AKAP6: variants seen among roughly 807,000 people sequenced by gnomAD.
AKAP6 encodes A-kinase anchor protein 6.
A neutral mutation model predicts 188.5 loss-of-function variants in AKAP6; 58 were observed. The ratio of observed to expected loss-of-function variants is 0.31; its 90% CI spans 0.25 to 0.38. The LOEUF is 0.38. Ranked by LOEUF, AKAP6 falls within the 10% of genes least tolerant of loss-of-function variation. The probability of loss-of-function intolerance (pLI) is 1.00; values close to 1 mark genes in which losing one functional copy is unlikely to be tolerated. For synonymous variants in AKAP6, 989 were observed against 998.6 expected (o/e 0.99, Z 0.18); for missense variants, 2,710 against 2,740.0 (o/e 0.99, Z 0.24).
chr14:32,650,360 C>A (rs984054021), intron 7 of AKAP6, among the ~76,000 whole-genome samples: 2 of 152,134 alleles, frequency 1.3e-5, no homozygotes, highest in African/African-American at 2.4e-5. Context: ...CACCTGTAAT[C>A]CCAGCATTTT....
At chr14:32,382,484 C>A (rs1032095115) in intron 1 of AKAP6, among the ~76,000 whole-genome samples, 1 of 152,168 alleles carries the variant, frequency 6.6e-6, no homozygotes, top group Non-Finnish European at 1.5e-5. Context: ...ATTAAGTGAG[C>A]TACTTCATGA....
intron 1 of AKAP6, among the ~76,000 whole-genome samples, chr14:32,398,165 A>G (rs941735682): frequency 2.6e-5 from 4 of 152,212 alleles, no homozygotes; most frequent in African/African-American, 9.6e-5. Context: ...TAAATGAGAA[A>G]CATAATTGGT....
chr14:32,665,918 G>A (rs1403808236), intron 7 of AKAP6, among the ~76,000 whole-genome samples: 1 of 152,156 alleles, frequency 6.6e-6, no homozygotes, highest in African/African-American at 2.4e-5. Flanking sequence ...GATAGGTGGA[G>A]ATGGACACAT....
chr14:32,499,135 G>T (rs1389439284), intron 2 of AKAP6, among the ~76,000 whole-genome samples: 1 of 151,978 alleles, frequency 6.6e-6, no homozygotes, highest in African/African-American at 2.4e-5. Context: ...CTGTTGTTCA[G>T]CCCTTTCATG....
chr14:32,567,147 C>T (rs1884230453), intron 4 of AKAP6, among the ~76,000 whole-genome samples: 1 of 152,134 alleles, frequency 6.6e-6, no homozygotes, highest in African/African-American at 2.4e-5. Flanking sequence ...TCTCAAACTC[C>T]TGGACTCAAA....
At chr14:32,792,076 T>C (rs999138375) in intron 12 of AKAP6, among the ~76,000 whole-genome samples, 1 of 152,192 alleles carries the variant, frequency 6.6e-6, no homozygotes, top group African/African-American at 2.4e-5. Flanking sequence ...CTTTGTTCTT[T>C]TTGCTTAGGA....
intron 1 of AKAP6, among the ~76,000 whole-genome samples, chr14:32,432,814 G>C (rs1300962406): frequency 6.6e-5 from 10 of 152,144 alleles, no homozygotes; most frequent in Non-Finnish European, 1.3e-4. Flanking sequence ...TAGAAGTTTG[G>C]TTTTTTCTCA....
intron 1 of AKAP6, among the ~76,000 whole-genome samples, chr14:32,430,416 A>T (rs1890178558): frequency 6.6e-6 from 1 of 152,160 alleles, no homozygotes; most frequent in Admixed American, 6.5e-5. Flanking sequence ...ACATAAGCTA[A>T]TTCTTTAGTG....
In AKAP6 at chr14:32,362,708, A is replaced by G. The variant is rs149894771; in HGVS notation, c.-35+33300A>G. Among the ~76,000 whole-genome samples, 244 of 152,324 alleles carry G rather than the reference A, an allele frequency of 1.6e-3. 1 individual carries two copies. The highest frequency in any genetic ancestry group is 2.7e-3 in the Non-Finnish European group (185 of 68,028). Reference sequence around the variant, plus strand: ...GCAAGTTACAGAGGGGAGGTAGGACATGGGACTGGAGAGGTGAGTTGGAGC... The same window carrying G: ...GCAAGTTACAGAGGGGAGGTAGGACGTGGGACTGGAGAGGTGAGTTGGAGC... On this transcript the variant is annotated intron_variant, in intron 1 of 13. Coordinates refer to ENST00000280979, the MANE Select transcript of AKAP6 (RefSeq NM_004274.5).
chr14:32,445,271 C>T (rs1294479072), intron 2 of AKAP6, among the ~76,000 whole-genome samples: 4 of 152,120 alleles, frequency 2.6e-5, no homozygotes, highest in Non-Finnish European at 5.9e-5. Flanking sequence ...ACTTCTCTGC[C>T]TGGAAAAATT....
At chr14:32,496,530 G>C (rs1880325210) in intron 2 of AKAP6, among the ~76,000 whole-genome samples, 2 of 151,840 alleles carry the variant, frequency 1.3e-5, no homozygotes, top group African/African-American at 4.8e-5. Context: ...GCCTTCGGTG[G>C]AGAAAGATTT....
intron 10 of AKAP6, chr14:32,734,138 T>G (rs2031309648): frequency 6.6e-6 from 1 of 151,830 alleles, no homozygotes; most frequent in Non-Finnish European, 1.5e-5. Flanking sequence ...AGTGAGAGAG[T>G]AGGGTGAGGG....
intron 7 of AKAP6, among the ~76,000 whole-genome samples, chr14:32,636,698 T>C (rs570969462): frequency 6.6e-6 from 1 of 152,226 alleles, no homozygotes; most frequent in East Asian, 1.9e-4. Flanking sequence ...TGAAAATGCC[T>C]TCAGAAAGTG....
intron 12 of AKAP6, among the ~76,000 whole-genome samples, chr14:32,782,121 C>T (rs1011374840): frequency 9.9e-5 from 14 of 141,558 alleles, no homozygotes; most frequent in African/African-American, 3.2e-4. Flanking sequence ...GCCGAGATCA[C>T]GCCACTGTAT....
intron 2 of AKAP6, among the ~76,000 whole-genome samples, chr14:32,459,946 A>G (rs996604156): frequency 6.6e-6 from 1 of 152,240 alleles, no homozygotes; most frequent in Non-Finnish European, 1.5e-5. Flanking sequence ...TGGGAGAAAT[A>G]TCCATGTAAG....
Position 32,739,183 on chromosome 14 carries a change from C to T in AKAP6, c.3372+3301C>T, listed in dbSNP as rs563797491. 2.4e-4 allele frequency among the ~76,000 whole-genome samples: 36 copies of T among 150,270 alleles called. 1 individual carries two copies. In the South Asian group the frequency reaches 6.8e-3, roughly 28 times the overall value. ...CTTATTCCTCATCACCATCCTGAGA[C>T]ATATTATAGTATGATCTGCTATTTA... On this transcript the variant is annotated intron_variant, in intron 11 of 13. Coordinates refer to ENST00000280979, the MANE Select transcript of AKAP6 (RefSeq NM_004274.5).
At chr14:32,748,239 G>A (rs2031989923) in intron 11 of AKAP6, among the ~76,000 whole-genome samples, 1 of 152,210 alleles carries the variant, frequency 6.6e-6, no homozygotes, top group African/African-American at 2.4e-5. Flanking sequence ...ATCCATCATA[G>A]TTTAGAGGCT....
intron 11 of AKAP6, among the ~76,000 whole-genome samples, chr14:32,741,032 G>A (rs77855018): frequency 1.0e-5 from 1 of 99,008 alleles, no homozygotes; most frequent in African/African-American, 3.9e-5. Context: ...TTTTTTTTTT[G>A]TGTGTGTTCT....
intron 2 of AKAP6, among the ~76,000 whole-genome samples, chr14:32,455,918 G>A (rs1891131117): frequency 6.6e-6 from 1 of 152,156 alleles, no homozygotes; most frequent in Non-Finnish European, 1.5e-5. Flanking sequence ...TGGGTTGGGG[G>A]TAAAGGTGAT....
Sources: gnomAD v4.1 joint callset for allele counts (sites outside exome capture counted in the v4.1 genomes callset) on GRCh38, gnomAD v4.1.1 for gene constraint, MANE v1.5 for transcripts, NCBI Gene and HGNC (gene_info 2026-07-23, HGNC 2026-07-21) for gene names.